WWOX: variants seen among roughly 807,000 people sequenced by gnomAD.
WWOX encodes the protein WW domain containing oxidoreductase, also known as WW domain-containing oxidoreductase.
WWOX carries 69 observed loss-of-function variants against 46.2 expected under a neutral mutation model. That is an observed-to-expected ratio of 1.49 (90% CI 1.23 to 1.82). The LOEUF is 1.82. Ranked by LOEUF, WWOX falls within the 40% of genes most tolerant of loss-of-function variation. WWOX has a pLI of 0.00. For synonymous variants in WWOX, 359 were observed against 202.6 expected, an observed-to-expected ratio of 1.77 and a Z score of -6.56; for missense variants, 919 against 542.6, an observed-to-expected ratio of 1.69 and a Z score of -6.89.
intron 8 of WWOX, among the ~76,000 whole-genome samples, chr16:79,144,597 C>T (rs553807784): frequency 2.6e-5 from 4 of 152,030 alleles, no homozygotes; most frequent in South Asian, 2.1e-4. Context: ...AAAAAAATAT[C>T]GAGTGGAAAA....
chr16:78,523,049 G>C (rs2043383594), intron 8 of WWOX, among the ~76,000 whole-genome samples: 1 of 152,160 alleles, frequency 6.6e-6, no homozygotes, highest in African/African-American at 2.4e-5. Flanking sequence ...TCCAGTCTGG[G>C]TGACAGAGTG....
At chr16:78,597,777 TATAA>T (rs72100219) in intron 8 of WWOX, among the ~76,000 whole-genome samples, 6,439 of 143,168 alleles carry the variant, frequency 0.045, 431 homozygotes, top group African/African-American at 0.16. Context: ...TATATATATA[TATAA>T]AATATATTTC....
intron 8 of WWOX, among the ~76,000 whole-genome samples, chr16:78,558,655 G>T (rs1037694373): frequency 1.5e-4 from 23 of 152,180 alleles, no homozygotes; most frequent in African/African-American, 5.5e-4. Context: ...TGTTGTGTTG[G>T]TTCTCATAGG....
intron 8 of WWOX, among the ~76,000 whole-genome samples, chr16:78,677,096 A>G (rs969527915): frequency 4.0e-5 from 6 of 151,524 alleles, no homozygotes; most frequent in Admixed American, 3.9e-4. Context: ...TTTGCATTCA[A>G]ATTCTCGTAG....
At chr16:78,947,659 C>T (rs967441920) in intron 8 of WWOX, among the ~76,000 whole-genome samples, 3 of 152,204 alleles carry the variant, frequency 2.0e-5, no homozygotes, top group African/African-American at 7.2e-5. Flanking sequence ...GGAGGATAAT[C>T]GCTTGCATTG....
chr16:78,360,214 C>T (rs1196804995), intron 5 of WWOX, among the ~76,000 whole-genome samples: 2 of 152,164 alleles, frequency 1.3e-5, no homozygotes, highest in African/African-American at 4.8e-5. Context: ...GTGAGGACAT[C>T]CACCTGCTCT....
At chr16:78,864,379 C>G (rs900820573) in intron 8 of WWOX, among the ~76,000 whole-genome samples, 8 of 151,956 alleles carry the variant, frequency 5.3e-5, no homozygotes, top group African/African-American at 1.9e-4. Flanking sequence ...GCCATCCTCC[C>G]ACCTCAGCCT....
chr16:79,187,841 C>T (rs552374790), intron 8 of WWOX, among the ~76,000 whole-genome samples: 97 of 152,324 alleles, frequency 6.4e-4, no homozygotes, highest in African/African-American at 2.2e-3. Flanking sequence ...CATGCCTGGC[C>T]CCCTTTCACT....
At chr16:78,659,178 A>G (rs746096084) in intron 8 of WWOX, among the ~76,000 whole-genome samples, 18 of 152,100 alleles carry the variant, frequency 1.2e-4, no homozygotes, top group Admixed American at 1.0e-3. Flanking sequence ...TTAACCCAGT[A>G]TGAGCACGTG....
chr16:78,185,807 C>T (rs1448139320), intron 5 of WWOX, among the ~76,000 whole-genome samples: 1 of 151,914 alleles, frequency 6.6e-6, no homozygotes, highest in African/African-American at 2.4e-5. Flanking sequence ...GCTGGGATTA[C>T]AGGCACCCAC....
chr16:78,948,466 G>A (rs540961457), intron 8 of WWOX, among the ~76,000 whole-genome samples: 1 of 152,218 alleles, frequency 6.6e-6, no homozygotes, highest in South Asian at 2.1e-4. Flanking sequence ...TGTCTCTTGC[G>A]GCATTTCTGC....
At position 78,337,066 on chromosome 16, in the gene WWOX, C is replaced by T. The variant is rs375128101; in HGVS notation, c.517-49794C>T. 5.3e-5 allele frequency among the ~76,000 whole-genome samples: 8 copies of T among 152,294 alleles called. 1 individual carries two copies. The highest frequency in any genetic ancestry group is 1.9e-4 in the East Asian group (1 of 5,176). On this transcript the variant is annotated intron_variant, in intron 5 of 8. Coordinates refer to ENST00000566780, the MANE Select transcript of WWOX (RefSeq NM_016373.4). ...AAAGGGTTGGGATTACAGGTGTCAG[C>T]TAGTGCACCTGACCCTAGGATAATC...
intron 5 of WWOX, chr16:78,238,166 G>C (rs1567448966): frequency 6.6e-6 from 1 of 152,048 alleles, no homozygotes; most frequent in East Asian, 1.9e-4. Flanking sequence ...TCCCTTTTTT[G>C]TTATTCCAAA....
intron 8 of WWOX, among the ~76,000 whole-genome samples, chr16:78,853,442 A>T (rs1432613059): frequency 1.3e-5 from 2 of 152,052 alleles, no homozygotes; most frequent in African/African-American, 2.4e-5. Context: ...TGTTTTCATT[A>T]TTGTGGTTAT....
intron 6 of WWOX, among the ~76,000 whole-genome samples, chr16:78,421,043 A>G (rs920996526): frequency 6.6e-6 from 1 of 152,104 alleles, no homozygotes; most frequent in African/African-American, 2.4e-5. Flanking sequence ...TCTAGTTCAT[A>G]TGTAATTTTA....
chr16:79,142,312 A>T (rs1429253429), intron 8 of WWOX, among the ~76,000 whole-genome samples: 1 of 152,192 alleles, frequency 6.6e-6, no homozygotes, highest in Non-Finnish European at 1.5e-5. Context: ...ATGGGAAGTT[A>T]GAGTAGAAAT....
At chr16:78,652,427 A>G (rs912635388) in intron 8 of WWOX, among the ~76,000 whole-genome samples, 1 of 144,702 alleles carries the variant, frequency 6.9e-6, no homozygotes, top group South Asian at 2.2e-4. Context: ...AAAAAAAAAA[A>G]AAAAGAAAAA....
intron 4 of WWOX, among the ~76,000 whole-genome samples, chr16:78,140,822 G>T (rs2033960860): frequency 6.6e-6 from 1 of 152,122 alleles, no homozygotes; most frequent in African/African-American, 2.4e-5. Flanking sequence ...TTTTTGGGGG[G>T]ACACAATTAG....
chr16:78,730,760 C>T (rs1329403839), intron 8 of WWOX, among the ~76,000 whole-genome samples: 2 of 151,698 alleles, frequency 1.3e-5, no homozygotes, highest in Non-Finnish European at 2.9e-5. Context: ...AACCCAGCCT[C>T]AGGAGAAATA....
Sources: allele counts gnomAD v4.1 joint callset (sites outside exome capture counted in the v4.1 genomes callset), GRCh38; gene constraint gnomAD v4.1.1; transcripts MANE v1.5; gene names NCBI Gene and HGNC (gene_info 2026-07-23, HGNC 2026-07-21).